Variants in ASTN2 observed in about 807,000 individuals in gnomAD.
ASTN2 encodes astrotactin-2.
ASTN2 carries 54 observed loss-of-function variants against 139.8 expected under a neutral mutation model. That is an observed-to-expected ratio of 0.39 (90% CI 0.31 to 0.48). The LOEUF (loss-of-function observed/expected upper bound fraction) is 0.48, where lower values mean the gene tolerates loss of function less well. ASTN2 is among the 20% of genes least tolerant of loss of function. The pLI is 0.95. For missense variants in ASTN2, 1,565 were observed against 1,725.1 expected, an observed-to-expected ratio of 0.91 and a Z score of 1.64; for synonymous variants, 756 against 719.5, an observed-to-expected ratio of 1.05 and a Z score of -0.81.
chr9:116,655,186 A>T (rs370549756), intron 16 of ASTN2, among the ~76,000 whole-genome samples: 2 of 152,240 alleles, frequency 1.3e-5, no homozygotes, highest in Non-Finnish European at 2.9e-5. Flanking sequence ...AGACTGTGTC[A>T]TGCCTAAGTT....
chr9:116,535,146 G>A (rs767894484), intron 19 of ASTN2, among the ~76,000 whole-genome samples: 7 of 152,076 alleles, frequency 4.6e-5, no homozygotes, highest in Non-Finnish European at 5.9e-5. Context: ...GATCTTTATT[G>A]GTTTAAAGTC....
chr9:116,676,144 C>T (rs972364105), intron 16 of ASTN2, among the ~76,000 whole-genome samples: 7 of 152,140 alleles, frequency 4.6e-5, no homozygotes, highest in East Asian at 1.9e-4. Flanking sequence ...GAAGCCGCTC[C>T]GTTCTTCTGG....
intron 19 of ASTN2, among the ~76,000 whole-genome samples, chr9:116,567,928 AATAACC>A (rs1174089848): frequency 6.6e-6 from 1 of 152,174 alleles, no homozygotes; most frequent in African/African-American, 2.4e-5. Flanking sequence ...TGCCTTTAAT[AATAACC>A]ATAATGAAAC....
chr9:117,003,419 C>T (rs1014907235), intron 7 of ASTN2, among the ~76,000 whole-genome samples: 1 of 152,098 alleles, frequency 6.6e-6, no homozygotes, highest in African/African-American at 2.4e-5. Flanking sequence ...AGTTTGCCAG[C>T]TGTGTGATCT....
chr9:117,414,771 C>A lies in ASTN2; in HGVS notation c.168G>T (p.Ser56=). Residue 56 remains serine (S), a synonymous_variant, in exon 1 of 23, where the codon TCG becomes TCT. Transcript: ENST00000313400. The surrounding 1 kb of genome is among the most constrained non-coding windows in gnomAD (Gnocchi z 4.2). Reference sequence around the variant, plus strand: ...GCCGGCACGGGCTGTCGGGCTCCCGCGAGGCAGCGGCGGTGGCGCCGGCCA... The same window carrying A: ...GCCGGCACGGGCTGTCGGGCTCCCGAGAGGCAGCGGCGGTGGCGCCGGCCA... ...PLLAGATAAA[S]REPDSPCRLK... is the part of the protein sequence containing the mutation. 1 of 1,266,042 alleles carries A rather than the reference C, an allele frequency of 7.9e-7. No individual in the cohort carries two copies. The highest frequency in any genetic ancestry group is 1.0e-6 in the Non-Finnish European group (1 of 1,004,250). The allele number at this position is 1,266,042 out of a possible 1,614,324, so 78.4% of individuals were successfully genotyped here. A position where few individuals can be genotyped will look rare whatever the true frequency, so the allele number is the denominator to read the frequency against.
chr9:117,316,121 A>G (rs561593825), intron 1 of ASTN2, among the ~76,000 whole-genome samples: 8 of 152,304 alleles, frequency 5.3e-5, no homozygotes, highest in African/African-American at 1.9e-4. Flanking sequence ...CTTAGACTCA[A>G]ACACTCCACT....
At chr9:116,942,093 C>T (rs1263989969) in intron 10 of ASTN2, among the ~76,000 whole-genome samples, 4 of 131,264 alleles carry the variant, frequency 3.0e-5, no homozygotes, top group East Asian at 4.4e-4. Flanking sequence ...CACGCACGCA[C>T]ACACACACAC....
chr9:116,686,275 TTAACCATCAGC>T (rs1860203758), intron 16 of ASTN2, among the ~76,000 whole-genome samples: 1 of 152,162 alleles, frequency 6.6e-6, no homozygotes, highest in Non-Finnish European at 1.5e-5. Flanking sequence ...CAGGTGTAGG[TTAACCATCAGC>T]TGCCTTATCT....
At chr9:117,106,059 G>A (rs947220254) in intron 4 of ASTN2, among the ~76,000 whole-genome samples, 1 of 152,112 alleles carries the variant, frequency 6.6e-6, no homozygotes, top group Admixed American at 6.5e-5. Context: ...GAGTATCTGA[G>A]GTTGGTCAGG....
chr9:116,806,122 AG>A (rs1831022707), intron 12 of ASTN2, among the ~76,000 whole-genome samples: 1 of 152,270 alleles, frequency 6.6e-6, no homozygotes, highest in Non-Finnish European at 1.5e-5. Context: ...GACTTTAAAA[AG>A]CATGACATAC....
At chr9:116,658,223 T>C (rs1858342486) in intron 16 of ASTN2, among the ~76,000 whole-genome samples, 1 of 152,046 alleles carries the variant, frequency 6.6e-6, no homozygotes, top group Non-Finnish European at 1.5e-5. Context: ...CCCTCAGGAG[T>C]GCCACTTGGA....
chr9:116,822,308 C>T (rs56984006), intron 11 of ASTN2, among the ~76,000 whole-genome samples: 8,026 of 152,056 alleles, frequency 0.053, 659 homozygotes, highest in African/African-American at 0.18. Flanking sequence ...GGAAGAGTGA[C>T]GGAGAAAGTA....
chr9:117,104,535 G>A (rs1829057732), intron 4 of ASTN2, among the ~76,000 whole-genome samples: 1 of 152,162 alleles, frequency 6.6e-6, no homozygotes, highest in South Asian at 2.1e-4. Context: ...CTACGGTTAT[G>A]AACAAAGTTT....
chr9:117,050,024 A>G (rs1838870373), intron 5 of ASTN2, among the ~76,000 whole-genome samples: 1 of 152,180 alleles, frequency 6.6e-6, no homozygotes, highest in African/African-American at 2.4e-5. Flanking sequence ...GTGACTATCA[A>G]TCGACTGGTG....
chr9:117,338,030 AT>A (rs1828940694), intron 1 of ASTN2, among the ~76,000 whole-genome samples: 4 of 152,200 alleles, frequency 2.6e-5, no homozygotes, highest in Admixed American at 2.6e-4. Flanking sequence ...CATATAAAAA[AT>A]AAGGAATCGA....
intron 11 of ASTN2, 66 bp from the exon 12 acceptor site, chr9:116,820,849 C>T: frequency 6.7e-7 from 1 of 1,488,400 alleles, no homozygotes; most frequent in Non-Finnish European, 9.1e-7. Context: ...CACACCCTCT[C>T]CTCCCTCCTG....
chr9:116,781,121 C>G (rs115229702), intron 13 of ASTN2, among the ~76,000 whole-genome samples: 3 of 152,076 alleles, frequency 2.0e-5, no homozygotes, highest in African/African-American at 7.2e-5. Context: ...ATTACATGAG[C>G]CACCCTGCCT....
chr9:116,533,417 G>A (rs891355042), intron 19 of ASTN2, among the ~76,000 whole-genome samples: 3 of 152,210 alleles, frequency 2.0e-5, no homozygotes, highest in Non-Finnish European at 4.4e-5. Context: ...AGTGGTGAGA[G>A]AGGGTATCCC....
At chr9:116,430,757 AAAG>A (rs1382897016) in intron 22 of ASTN2, among the ~76,000 whole-genome samples, 2 of 152,248 alleles carry the variant, frequency 1.3e-5, no homozygotes, top group Non-Finnish European at 1.5e-5. Context: ...TTTAGAAAAC[AAAG>A]AAGAATTCAG....
Sources: gnomAD v4.1 joint callset for allele counts (sites outside exome capture counted in the v4.1 genomes callset) on GRCh38, gnomAD v4.1.1 for gene constraint, Gnocchi (gnomAD v3.1) non-coding constraint, MANE v1.5 for transcripts, NCBI Gene and HGNC (gene_info 2026-07-23, HGNC 2026-07-21) for gene names.